The following ESRRG variants were observed in gnomAD, a reference collection of about 807,000 sequenced individuals.
ESRRG encodes estrogen related receptor gamma.
Under a neutral mutation model 44.0 loss-of-function variants are expected in ESRRG, and 13 were observed. The ratio of observed to expected loss-of-function variants is 0.30; its 90% confidence interval spans 0.19 to 0.47. ESRRG has a LOEUF of 0.47. ESRRG is among the 20% of genes least tolerant of loss of function. The pLI, the probability that ESRRG is intolerant of heterozygous loss-of-function variation, is 1.00. For synonymous variants in ESRRG, 215 were observed against 214.6 expected (o/e 1.00, Z -0.02); for missense variants, 395 against 580.6 (o/e 0.68, Z 3.29).
intron 2 of ESRRG, among the ~76,000 whole-genome samples, chr1:216,745,906 T>C (rs1430785644): frequency 6.6e-6 from 1 of 152,252 alleles, no homozygotes. Flanking sequence ...ACAAATGTAA[T>C]GTGGTGTTAT....
intron 1 of ESRRG, among the ~76,000 whole-genome samples, chr1:216,692,074 T>A (rs1048548643): frequency 2.0e-5 from 3 of 152,206 alleles, no homozygotes; most frequent in Non-Finnish European, 4.4e-5. Flanking sequence ...ACTATACTTT[T>A]TAATCATTAT....
intron 2 of ESRRG, among the ~76,000 whole-genome samples, chr1:216,762,392 C>T (rs1465678951): frequency 6.6e-6 from 1 of 152,034 alleles, no homozygotes; most frequent in East Asian, 1.9e-4. Context: ...ATGATGAGTT[C>T]ATGTCCTTTG....
In ESRRG at chr1:216,891,168, G is replaced by T. The variant is rs150707825; in HGVS notation, c.-14+48414C>A. Among the ~76,000 whole-genome samples the T allele has an allele frequency of 4.0e-3, 611 of 152,240 alleles. 6 individuals carry two copies. Among genetic ancestry groups the T allele is most frequent in the African/African-American group, 0.014 (599 of 41,548 alleles). ...CTTTTCTTGAACAACGCTGTCTGCC[G>T]ACAGATTATAACATTATAAATTCAC... On this transcript the variant is annotated intron_variant, in intron 2 of 7. Transcript: ENST00000359162.
chr1:216,720,547 C>A (rs907431733), intron 1 of ESRRG, among the ~76,000 whole-genome samples: 1 of 152,050 alleles, frequency 6.6e-6, no homozygotes, highest in Non-Finnish European at 1.5e-5. Context: ...AAAAAGGCAT[C>A]CCCTCTGATC....
At chr1:216,559,243 T>C (rs1008388572) in intron 5 of ESRRG, among the ~76,000 whole-genome samples, 6 of 152,192 alleles carry the variant, frequency 3.9e-5, no homozygotes, top group African/African-American at 1.4e-4. Context: ...TTAACTTTCT[T>C]CCACTTAACT....
chr1:216,667,836 C>T (rs945422779), intron 2 of ESRRG, among the ~76,000 whole-genome samples: 14 of 151,912 alleles, frequency 9.2e-5, no homozygotes, highest in Non-Finnish European at 1.0e-4. Context: ...CGGTGGCTCA[C>T]GCTAATCCTA....
At chr1:216,964,020 G>A (rs1000536823) in intron 1 of ESRRG, among the ~76,000 whole-genome samples, 1 of 152,160 alleles carries the variant, frequency 6.6e-6, no homozygotes, top group Non-Finnish European at 1.5e-5. Context: ...AGATTTCTAA[G>A]CAGACAGAAC....
intron 1 of ESRRG, among the ~76,000 whole-genome samples, chr1:217,088,253 T>C (rs879523201): frequency 1.6e-4 from 25 of 152,170 alleles, no homozygotes; most frequent in Admixed American, 1.2e-3. Context: ...GTCATTCAGC[T>C]GCTCTGAAAC....
chr1:216,681,735 GTTAA>G (rs1230100807), intron 1 of ESRRG, among the ~76,000 whole-genome samples: 4 of 151,238 alleles, frequency 2.6e-5, no homozygotes, highest in Non-Finnish European at 5.9e-5. Context: ...ATTTTTGAAA[GTTAA>G]TTAATGGTGT....
At chr1:216,784,154 G>A (rs1232851969) in intron 2 of ESRRG, among the ~76,000 whole-genome samples, 1 of 149,706 alleles carries the variant, frequency 6.7e-6, no homozygotes, top group Non-Finnish European at 1.5e-5. Flanking sequence ...ATTCCTCTGA[G>A]AGTTTCTTTT....
intron 2 of ESRRG, among the ~76,000 whole-genome samples, chr1:216,814,781 C>G (rs2095082235): frequency 2.6e-5 from 4 of 152,142 alleles, no homozygotes; most frequent in African/African-American, 7.2e-5. Context: ...GTTTCAGAAA[C>G]ATACTAGACT....
At chr1:217,001,993 T>G (rs2077085211) in intron 1 of ESRRG, among the ~76,000 whole-genome samples, 1 of 147,574 alleles carries the variant, frequency 6.8e-6, no homozygotes, top group Non-Finnish European at 1.5e-5. Flanking sequence ...TTGGCACCAT[T>G]ATAATTTTTT....
At chr1:217,040,864 A>G (rs1288212972) in intron 1 of ESRRG, among the ~76,000 whole-genome samples, 1 of 152,126 alleles carries the variant, frequency 6.6e-6, no homozygotes, top group Non-Finnish European at 1.5e-5. Context: ...CTACTACTCC[A>G]CTCAACACAG....
At chr1:217,051,553 A>G (rs1416747704) in intron 1 of ESRRG, among the ~76,000 whole-genome samples, 1 of 152,192 alleles carries the variant, frequency 6.6e-6, no homozygotes, top group African/African-American at 2.4e-5. Context: ...AATGCACCCC[A>G]CTGGCATGGG....
chr1:216,806,216 A>G (rs566571501), intron 2 of ESRRG, among the ~76,000 whole-genome samples: 2 of 152,326 alleles, frequency 1.3e-5, no homozygotes, highest in Admixed American at 6.5e-5. Flanking sequence ...AGAGGCTAAC[A>G]TGCAGCAATT....
In ESRRG at chr1:216,956,699, C is replaced by T. The variant is rs545796855; in HGVS notation, c.-105-17026G>A. On this transcript the variant is annotated intron_variant, in intron 1 of 7. Coordinates refer to the ESRRG transcript ENST00000359162. Reference sequence around the variant, plus strand: ...GCACTAGGTATAATGTCATTGTGTACGAAGGAGCTATCCTATCACATGCCT... The same window carrying T: ...GCACTAGGTATAATGTCATTGTGTATGAAGGAGCTATCCTATCACATGCCT... Among the ~76,000 whole-genome samples, 13 of 152,188 alleles carry T rather than the reference C, an allele frequency of 8.5e-5. 1 individual carries two copies. In the South Asian group the frequency reaches 1.2e-3, roughly 15 times the overall value.
At chr1:217,058,966 C>A (rs527462182) in intron 1 of ESRRG, among the ~76,000 whole-genome samples, 47 of 146,698 alleles carry the variant, frequency 3.2e-4, no homozygotes, top group African/African-American at 1.1e-3. Context: ...AAATATAAAA[C>A]TATAAAATAA....
intron 3 of ESRRG, among the ~76,000 whole-genome samples, chr1:216,575,341 A>T (rs2061506759): frequency 6.6e-6 from 1 of 152,120 alleles, no homozygotes; most frequent in South Asian, 2.1e-4. Context: ...ATTGTTAAAT[A>T]TGGTTCATTA....
intron 3 of ESRRG, among the ~76,000 whole-genome samples, chr1:216,632,793 A>G (rs2064487232): frequency 6.6e-6 from 1 of 152,152 alleles, no homozygotes; most frequent in African/African-American, 2.4e-5. Context: ...CAATATGTAT[A>G]AAGTCAATGC....
Sources: gnomAD v4.1 joint callset for allele counts (sites outside exome capture counted in the v4.1 genomes callset) on GRCh38, gnomAD v4.1.1 for gene constraint, MANE v1.5 for transcripts, NCBI Gene and HGNC (gene_info 2026-07-23, HGNC 2026-07-21) for gene names.